MARCHF1: variants seen among roughly 807,000 people sequenced by gnomAD.
The protein encoded by MARCHF1 is membrane associated ring-CH-type finger 1, also known as E3 ubiquitin-protein ligase MARCHF1.
MARCHF1 carries 40 observed loss-of-function variants against 54.2 expected under a neutral mutation model. That is an observed-to-expected ratio of 0.74 (90% CI 0.57 to 0.96). The LOEUF (loss-of-function observed/expected upper bound fraction) is 0.96, where lower values mean the gene tolerates loss of function less well. Ranked by LOEUF, MARCHF1 falls within the 40% of genes least tolerant of loss-of-function variation. MARCHF1 has a pLI of 0.00. For synonymous variants in MARCHF1, 236 were observed against 236.3 expected, an observed-to-expected ratio of 1.00 and a Z score of 0.01; for missense variants, 586 against 656.5, an observed-to-expected ratio of 0.89 and a Z score of 1.17.
intron 8 of MARCHF1, among the ~76,000 whole-genome samples, chr4:163,574,779 G>C (rs940232066): frequency 6.6e-6 from 1 of 151,974 alleles, no homozygotes; most frequent in Admixed American, 6.6e-5. Flanking sequence ...TTTGGCTTAG[G>C]ATTGACTTGG....
At chr4:164,026,881 C>G (rs147027890) in intron 2 of MARCHF1, among the ~76,000 whole-genome samples, 1 of 151,998 alleles carries the variant, frequency 6.6e-6, no homozygotes, top group Admixed American at 6.6e-5. Flanking sequence ...AATAAATGAC[C>G]AGTAAAGTTT....
chr4:163,845,509 G>A (rs186845589), intron 4 of MARCHF1, among the ~76,000 whole-genome samples: 104 of 147,402 alleles, frequency 7.1e-4, no homozygotes, highest in Admixed American at 4.2e-3. Flanking sequence ...ACACACGTAA[G>A]GCCTCTCCTA....
chr4:163,844,146 A>G (rs552980424), intron 4 of MARCHF1, among the ~76,000 whole-genome samples: 5 of 152,086 alleles, frequency 3.3e-5, no homozygotes, highest in African/African-American at 1.2e-4. Context: ...ACTCTCTGAA[A>G]GGTCCCAGCA....
intron 5 of MARCHF1, among the ~76,000 whole-genome samples, chr4:163,634,945 A>C (rs1192537483): frequency 1.8e-5 from 2 of 113,506 alleles, no homozygotes. Flanking sequence ...TAAGAATCTC[A>C]CTCAAAACCG....
intron 3 of MARCHF1, among the ~76,000 whole-genome samples, chr4:163,904,433 T>C (rs1751011006): frequency 6.6e-6 from 1 of 152,172 alleles, no homozygotes; most frequent in Non-Finnish European, 1.5e-5. Context: ...GGAATTTTAA[T>C]GGGACAGGTG....
At chr4:164,016,763 T>C (rs1753552147) in intron 2 of MARCHF1, among the ~76,000 whole-genome samples, 1 of 152,042 alleles carries the variant, frequency 6.6e-6, no homozygotes, top group South Asian at 2.1e-4. Flanking sequence ...AGGGAAACTA[T>C]AGCTAACAAT....
At chr4:163,721,332 T>G (rs1050844697) in intron 4 of MARCHF1, among the ~76,000 whole-genome samples, 4 of 152,196 alleles carry the variant, frequency 2.6e-5, no homozygotes, top group Non-Finnish European at 4.4e-5. Context: ...GGATTACGTT[T>G]ATTGATTTGC....
At position 164,374,723 on chromosome 4, in the gene MARCHF1, T is replaced by C. The variant is rs190074362; in HGVS notation, c.-323+9147A>G. 1.0e-3 allele frequency among the ~76,000 whole-genome samples: 153 copies of C among 152,272 alleles called. No homozygotes were observed. In the Middle Eastern group the frequency reaches 0.01, roughly 10 times the overall value. On this transcript the variant is annotated intron_variant, in intron 1 of 9. Coordinates refer to ENST00000514618, the MANE Select transcript of MARCHF1 (RefSeq NM_001394959.1). The stretch of plus-strand genomic sequence containing the variant: ...CCCCATCTCTTTAATTCTCTGCTAT[T>C]GTTAATGGCACAGAATCTTTCTTTC...
At chr4:163,931,114 C>T (rs995960138) in intron 3 of MARCHF1, among the ~76,000 whole-genome samples, 2 of 152,088 alleles carry the variant, frequency 1.3e-5, no homozygotes, top group Non-Finnish European at 2.9e-5. Flanking sequence ...GAGGACACAG[C>T]AAGAAGGCTG....
At chr4:164,071,322 A>G (rs968019705) in intron 2 of MARCHF1, among the ~76,000 whole-genome samples, 6 of 152,322 alleles carry the variant, frequency 3.9e-5, no homozygotes, top group African/African-American at 1.2e-4. Context: ...ACAGAAAACA[A>G]AAGAAAGTAT....
chr4:164,083,683 C>T (rs1755143796), intron 2 of MARCHF1, among the ~76,000 whole-genome samples: 1 of 152,080 alleles, frequency 6.6e-6, no homozygotes, highest in Admixed American at 6.6e-5. Context: ...TCTTTGAAGA[C>T]ACAACAAGCA....
At chr4:163,975,192 TCTCTCACACA>T (rs1211106153) in intron 3 of MARCHF1, among the ~76,000 whole-genome samples, 13 of 104,512 alleles carry the variant, frequency 1.2e-4, no homozygotes, top group Admixed American at 3.9e-4. Context: ...TCTCTCTCTC[TCTCTCACACA>T]CACACACACA....
At chr4:163,591,817 G>T (rs1740600907) in intron 7 of MARCHF1, among the ~76,000 whole-genome samples, 1 of 152,102 alleles carries the variant, frequency 6.6e-6, no homozygotes, top group South Asian at 2.1e-4. Context: ...TCTTTAATTT[G>T]CATTTGAGGA....
intron 2 of MARCHF1, among the ~76,000 whole-genome samples, chr4:164,070,273 A>C (rs533578105): frequency 6.6e-6 from 1 of 152,226 alleles, no homozygotes; most frequent in Non-Finnish European, 1.5e-5. Context: ...GTCATGACAC[A>C]ATGTTAAATG....
intron 2 of MARCHF1, among the ~76,000 whole-genome samples, chr4:164,074,562 G>A (rs559625326): frequency 3.5e-4 from 53 of 152,060 alleles, no homozygotes; most frequent in African/African-American, 1.3e-3. Flanking sequence ...AAAAATTAAA[G>A]CCAACAAGTC....
chr4:164,123,949 A>C (rs2110786758), intron 1 of MARCHF1, among the ~76,000 whole-genome samples: 1 of 152,282 alleles, frequency 6.6e-6, no homozygotes, highest in South Asian at 2.1e-4. Flanking sequence ...GAAACAATCA[A>C]CAAAGTGAAG....
At chr4:164,024,670 A>C (rs185596946) in intron 2 of MARCHF1, among the ~76,000 whole-genome samples, 297 of 152,320 alleles carry the variant, frequency 1.9e-3, no homozygotes, top group African/African-American at 6.9e-3. Flanking sequence ...CTATAAAGCA[A>C]CTACATAATC....
At chr4:163,588,444 C>T (rs892017813) in intron 7 of MARCHF1, among the ~76,000 whole-genome samples, 11 of 152,070 alleles carry the variant, frequency 7.2e-5, no homozygotes, top group African/African-American at 2.7e-4. Flanking sequence ...TGACTTATTA[C>T]AAAAGCAGCC....
chr4:164,181,103 T>A (rs892772703), intron 1 of MARCHF1, among the ~76,000 whole-genome samples: 6 of 152,176 alleles, frequency 3.9e-5, no homozygotes, highest in African/African-American at 1.4e-4. Flanking sequence ...GCTCCCACAG[T>A]GTGGGGTCCC....
Sources: gnomAD v4.1 joint callset for allele counts (sites outside exome capture counted in the v4.1 genomes callset) on GRCh38, gnomAD v4.1.1 for gene constraint, MANE v1.5 for transcripts, NCBI Gene and HGNC (gene_info 2026-07-23, HGNC 2026-07-21) for gene names.